The following USP42 variants were observed in gnomAD, a reference collection of about 807,000 sequenced individuals.
USP42 encodes ubiquitin carboxyl-terminal hydrolase 42.
Under a neutral mutation model 113.0 loss-of-function variants are expected in USP42, and 23 were observed. The observed-to-expected ratio is 0.20, with a 90% CI of 0.15 to 0.29. The LOEUF (loss-of-function observed/expected upper bound fraction) is 0.29, where lower values mean the gene tolerates loss of function less well. USP42 is among the 10% of genes least tolerant of loss of function. The pLI, the probability that USP42 is intolerant of heterozygous loss-of-function variation, is 1.00. For synonymous variants in USP42, 933 were observed against 699.0 expected, an observed-to-expected ratio of 1.33 and a Z score of -5.28; for missense variants, 2,174 against 1,779.8, an observed-to-expected ratio of 1.22 and a Z score of -3.99.
intron 2 of USP42, among the ~76,000 whole-genome samples, chr7:6,113,596 C>T (rs1269845983): frequency 6.6e-6 from 1 of 152,070 alleles, no homozygotes. Flanking sequence ...TACATGGCAT[C>T]TCAGCCTTTT....
At chr7:6,127,265 GTT>G (rs1175296368) in intron 3 of USP42, among the ~76,000 whole-genome samples, 1 of 152,180 alleles carries the variant, frequency 6.6e-6, no homozygotes, top group Non-Finnish European at 1.5e-5. Context: ...CTTAGTGGTT[GTT>G]TTACAGACAG....
chr7:6,093,440 C>T, the USP42 span, among the ~76,000 whole-genome samples: 3 of 150,664 alleles, frequency 2.0e-5, no homozygotes, highest in Admixed American at 6.6e-5. Context: ...CATGCACCAC[C>T]ATGCTCGGGT....
chr7:6,082,643 C>T, the USP42 span, among the ~76,000 whole-genome samples: 3 of 135,058 alleles, frequency 2.2e-5, no homozygotes, highest in African/African-American at 8.6e-5. Flanking sequence ...CACTGTCTCC[C>T]TCTGTCACCC....
intron 3 of USP42, among the ~76,000 whole-genome samples, chr7:6,123,500 A>G (rs1164554299): frequency 1.3e-5 from 2 of 152,088 alleles, no homozygotes; most frequent in Non-Finnish European, 2.9e-5. Context: ...CGTCTCTACT[A>G]AAAATACAAA....
chr7:6,097,310 TC>T, the USP42 span, among the ~76,000 whole-genome samples: 1 of 150,594 alleles, frequency 6.6e-6, no homozygotes, highest in African/African-American at 2.5e-5. Flanking sequence ...CATGTCCTCT[TC>T]CCTGAGAGTA....
At chr7:6,135,997 T>C in intron 4 of USP42, 46 bp downstream of exon 4, 1 of 1,179,114 alleles carries the variant, frequency 8.5e-7, no homozygotes. Context: ...TATTACCTAG[T>C]TATACTTTTT....
rs146940803 is a variant in USP42 at position 6,135,079 on chromosome 7, G to T, written c.443-762G>T. Among the ~76,000 whole-genome samples the T allele has an allele frequency of 2.6e-3, 400 of 152,306 alleles. 5 individuals carry two copies. The highest frequency in any genetic ancestry group is 9.1e-3 in the African/African-American group (378 of 41,560). On this transcript the variant is annotated intron_variant, in intron 3 of 17. Coordinates refer to ENST00000306177, the MANE Select transcript of USP42 (RefSeq NM_032172.3). ...TGCTGAGATGATAGGCATGAGCCAT[G>T]GCGCCTGGCTTCCACAGTGATGTCT...
intron 1 of USP42, among the ~76,000 whole-genome samples, chr7:6,105,291 AGCCGGGCTG>A (rs1379287699): frequency 6.8e-6 from 1 of 146,504 alleles, no homozygotes; most frequent in African/African-American, 2.5e-5. Flanking sequence ...GCACCGGGGT[AGCCGGGCTG>A]CGCGGCGAGG....
upstream of USP42, among the ~76,000 whole-genome samples, chr7:6,100,519 G>A (rs1409015196): frequency 2.0e-5 from 3 of 149,666 alleles, 1 homozygote; most frequent in African/African-American, 5.0e-5. Context: ...TAGTAGAGAC[G>A]GGGTTTCACC....
chr7:6,085,809 C>G, the USP42 span, among the ~76,000 whole-genome samples: 2 of 149,722 alleles, frequency 1.3e-5, no homozygotes, highest in African/African-American at 5.0e-5. Context: ...GAGACGGGAT[C>G]TCACCATGTT....
At chr7:6,125,357 G>T (rs1487616629) in intron 3 of USP42, among the ~76,000 whole-genome samples, 2 of 152,002 alleles carry the variant, frequency 1.3e-5, no homozygotes, top group Non-Finnish European at 2.9e-5. Flanking sequence ...TGACATGGTG[G>T]CAGATGCCTG....
intron 14 of USP42, among the ~76,000 whole-genome samples, chr7:6,151,450 T>G (rs1184512764): frequency 1.3e-5 from 2 of 152,264 alleles, no homozygotes; most frequent in East Asian, 3.8e-4. Context: ...TGTTTGTTTT[T>G]TTGTTTGAGA....
At chr7:6,086,644 C>G in the USP42 span, among the ~76,000 whole-genome samples, 2 of 150,702 alleles carry the variant, frequency 1.3e-5, no homozygotes, top group East Asian at 3.9e-4. Context: ...GCTACATCAG[C>G]CTTTTCCTTT....
chr7:6,142,816 C>G, intron 7 of USP42, 116 bp from the exon 8 acceptor site: 1 of 887,138 alleles, frequency 1.1e-6, no homozygotes. Context: ...CCCAGGAGGT[C>G]GAGGCTGCAG....
intron 15 of USP42, among the ~76,000 whole-genome samples, chr7:6,156,218 A>G (rs1782438245): frequency 6.6e-6 from 1 of 152,172 alleles, no homozygotes; most frequent in Non-Finnish European, 1.5e-5. Context: ...TATTGGAGGG[A>G]AAAATAATAT....
rs756799439 is a variant in USP42, at chr7:6,149,718, A to C, written c.1522A>C (p.Asn508His). Residue 508 changes from asparagine (N) to histidine (H), a missense_variant, in exon 13 of 18, where the codon AAT (asparagine) becomes CAT (histidine). Coordinates refer to ENST00000306177, the MANE Select transcript of USP42 (RefSeq NM_032172.3). ...ASASVQNWSV[N>H]RSSVIPEHPK... Reference sequence around the variant, plus strand: ...AGCTTCTGTCCAAAACTGGTCAGTTAATAGGTCCTCAGTGATCCCAGAACA... The same window carrying C: ...AGCTTCTGTCCAAAACTGGTCAGTTCATAGGTCCTCAGTGATCCCAGAACA... 1.2e-5 allele frequency: 19 copies of C among 1,613,904 alleles called. No homozygotes were observed. Among genetic ancestry groups the C allele is most frequent in the Non-Finnish European group, 1.5e-5 (18 of 1,179,904 alleles).
At chr7:6,127,761 C>T (rs201836723) in intron 3 of USP42, among the ~76,000 whole-genome samples, 4 of 152,198 alleles carry the variant, frequency 2.6e-5, no homozygotes, top group South Asian at 2.1e-4. Flanking sequence ...CATTGCTTTT[C>T]GTTACAAATT....
Position 6,111,288 on chromosome 7 carries a change from T to C in USP42, c.155T>C (p.Leu52Pro). ...TTGAATGATGTGTCAAATCACACAC[T>C]TTCTTTAGGACCAGTACCTGGTGCT... ...SSLNDVSNHTLSLGPVPGAVV... is the reference protein window; with the variant it reads ...SSLNDVSNHTPSLGPVPGAVV... Residue 52 changes from leucine (L) to proline (P), a missense_variant, in exon 2 of 18, where the codon CTT (leucine) becomes CCT (proline). Transcript: ENST00000306177. 1 of 1,607,588 alleles carries C rather than the reference T, an allele frequency of 6.2e-7. No individual in the cohort carries two copies. The highest frequency in any genetic ancestry group is 8.5e-7 in the Non-Finnish European group (1 of 1,176,702).
intron 4 of USP42, among the ~76,000 whole-genome samples, chr7:6,138,402 T>C (rs1018301835): frequency 1.3e-5 from 2 of 152,150 alleles, no homozygotes; most frequent in Non-Finnish European, 1.5e-5. Flanking sequence ...TTGAATGGAT[T>C]CTGTATTATA....
Sources: allele counts gnomAD v4.1 joint callset (sites outside exome capture counted in the v4.1 genomes callset), GRCh38; gene constraint gnomAD v4.1.1; transcripts MANE v1.5; gene names NCBI Gene and HGNC (gene_info 2026-07-23, HGNC 2026-07-21).